Variants in LTBP1 observed in about 807,000 individuals in gnomAD.
The protein encoded by LTBP1 is latent-transforming growth factor beta-binding protein 1.
LTBP1 carries 129 observed loss-of-function variants against 207.6 expected under a neutral mutation model. The observed-to-expected ratio is 0.62, with a 90% CI of 0.54 to 0.72. LTBP1 has a LOEUF of 0.72. LTBP1 is among the 30% of genes least tolerant of loss of function. The pLI is 0.00. For synonymous variants in LTBP1, 963 were observed against 833.7 expected (o/e 1.16, Z -2.67); for missense variants, 2,281 against 2,217.2 (o/e 1.03, Z -0.58).
intron 5 of LTBP1, 68 bp downstream of exon 5, chr2:33,135,028 A>G: frequency 6.9e-7 from 1 of 1,456,746 alleles, no homozygotes; most frequent in East Asian, 2.5e-5. Context: ...GCATTTAGAC[A>G]CCCCCTCCAT....
intron 3 of LTBP1, among the ~76,000 whole-genome samples, chr2:33,095,478 G>A (rs2079333111): frequency 6.6e-6 from 1 of 151,910 alleles, no homozygotes; most frequent in Admixed American, 6.6e-5. Flanking sequence ...TAACTGCCTG[G>A]GCAACAAAAT....
At chr2:33,151,033 C>G (rs556704145) in intron 5 of LTBP1, among the ~76,000 whole-genome samples, 1 of 152,156 alleles carries the variant, frequency 6.6e-6, no homozygotes, top group Non-Finnish European at 1.5e-5. Flanking sequence ...AACCACCACA[C>G]CTGGTCTCAC....
chr2:33,087,371 C>T (rs1471209356), intron 3 of LTBP1, among the ~76,000 whole-genome samples: 6 of 152,142 alleles, frequency 3.9e-5, no homozygotes, highest in Admixed American at 3.9e-4. Context: ...CCTAGCCTCA[C>T]TTATGTTCTA....
intron 7 of LTBP1, among the ~76,000 whole-genome samples, chr2:33,204,670 C>T (rs2089687818): frequency 6.6e-6 from 1 of 152,052 alleles, no homozygotes; most frequent in Admixed American, 6.6e-5. Context: ...AGCTCAAACT[C>T]TCGGGCTCAA....
chr2:32,957,067 G>A (rs549191215), intron 2 of LTBP1, among the ~76,000 whole-genome samples: 1 of 152,074 alleles, frequency 6.6e-6, no homozygotes, highest in Non-Finnish European at 1.5e-5. Flanking sequence ...TCCATTTACA[G>A]AGCACAGGCG....
intron 2 of LTBP1, among the ~76,000 whole-genome samples, chr2:32,996,937 T>C (rs1685379455): frequency 6.6e-6 from 1 of 152,068 alleles, no homozygotes; most frequent in Non-Finnish European, 1.5e-5. Context: ...CAGGCTGGAG[T>C]GCTGTGGCAT....
chr2:33,042,241 T>C (rs2076225065), intron 3 of LTBP1, among the ~76,000 whole-genome samples: 1 of 152,254 alleles, frequency 6.6e-6, no homozygotes, highest in African/African-American at 2.4e-5. Context: ...AACAGAACTT[T>C]CTTTTCAGGA....
At chr2:33,343,564 A>C (rs2094660081) in intron 25 of LTBP1, among the ~76,000 whole-genome samples, 1 of 152,208 alleles carries the variant, frequency 6.6e-6, no homozygotes, top group African/African-American at 2.4e-5. Flanking sequence ...CAGCACAGGA[A>C]ATAGAGTCTG....
intron 9 of LTBP1, among the ~76,000 whole-genome samples, chr2:33,223,852 A>G (rs2091277912): frequency 6.6e-6 from 1 of 152,206 alleles, no homozygotes; most frequent in South Asian, 2.1e-4. Flanking sequence ...GTACAGACTG[A>G]AGAGAAATAT....
Position 33,047,870 on chromosome 2 carries a change from G to A in LTBP1, c.863+26664G>A, listed in dbSNP as rs573474506. Among the ~76,000 whole-genome samples the A allele has an allele frequency of 2.0e-5, 3 of 152,174 alleles. No individual in the cohort carries two copies. The South Asian group carries it at 6.2e-4, about 32-fold the overall frequency. On this transcript the variant is annotated intron_variant, in intron 3 of 33. Coordinates refer to ENST00000404816, the MANE Select transcript of LTBP1 (RefSeq NM_206943.4). The stretch of plus-strand genomic sequence containing the variant: ...ATTGATCCCTTTACCACTATGTAAT[G>A]CCCTTCTTTGTCTTTTTTGATCTTT...
At chr2:33,319,518 TA>T (rs1226179742) in intron 24 of LTBP1, among the ~76,000 whole-genome samples, 1 of 152,120 alleles carries the variant, frequency 6.6e-6, no homozygotes. Flanking sequence ...ATCAGATTCC[TA>T]GGGGTCACCA....
At chr2:33,006,760 A>C in intron 2 of LTBP1, among the ~76,000 whole-genome samples, 1 of 144,010 alleles carries the variant, frequency 6.9e-6, no homozygotes, top group East Asian at 2.1e-4. Context: ...CCTTTCAGCT[A>C]TTCCCTGATG....
chr2:32,948,734 T>C, intron 1 of LTBP1, 141 bp from the exon 2 acceptor site: 2 of 764,396 alleles, frequency 2.6e-6, no homozygotes, highest in South Asian at 1.6e-5. Context: ...GGGTTGGGCA[T>C]CCAGGGTACC....
rs541560872 is a variant in LTBP1 at position 33,344,455 on chromosome 2, G to C, written c.3856+1492G>C. Among the ~76,000 whole-genome samples, 7 of 152,264 alleles carry C rather than the reference G, an allele frequency of 4.6e-5. No homozygotes were observed. In the East Asian group the frequency reaches 1.4e-3, roughly 29 times the overall value. ...CAGCAACGTCAGACTGGTTGTGGTTGCCCATGTCACTGTGCAATTATTTGA... is the reference window on the plus strand; with the variant it reads ...CAGCAACGTCAGACTGGTTGTGGTTCCCCATGTCACTGTGCAATTATTTGA... On this transcript the variant is annotated intron_variant, in intron 25 of 33. Transcript: ENST00000404816.
At chr2:33,331,351 T>C (rs2094492375) in intron 24 of LTBP1, among the ~76,000 whole-genome samples, 1 of 152,168 alleles carries the variant, frequency 6.6e-6, no homozygotes, top group South Asian at 2.1e-4. Flanking sequence ...TTTGTATTTA[T>C]AGGTATATAT....
chr2:33,088,368 C>T (rs1206286271), intron 3 of LTBP1, among the ~76,000 whole-genome samples: 2 of 152,128 alleles, frequency 1.3e-5, no homozygotes, highest in Admixed American at 1.3e-4. Context: ...AGGAGAATCA[C>T]TTGAACCCGG....
At chr2:33,084,831 A>C (rs1464308177) in intron 3 of LTBP1, among the ~76,000 whole-genome samples, 1 of 152,190 alleles carries the variant, frequency 6.6e-6, no homozygotes, top group African/African-American at 2.4e-5. Context: ...AGAGTCCACC[A>C]TGATCCAGTT....
intron 13 of LTBP1, 25 bp downstream of exon 13, chr2:33,259,635 C>CTT: frequency 2.6e-6 from 4 of 1,566,306 alleles, no homozygotes; most frequent in Non-Finnish European, 2.6e-6. Flanking sequence ...GCTTGCAAGT[C>CTT]TTTTTTTTTC....
intron 2 of LTBP1, among the ~76,000 whole-genome samples, chr2:32,967,550 A>C (rs1680190149): frequency 6.6e-6 from 1 of 152,186 alleles, no homozygotes; most frequent in African/African-American, 2.4e-5. Flanking sequence ...ATATTTTAAA[A>C]TTTCTCTTGA....
Sources: gnomAD v4.1 joint callset for allele counts (sites outside exome capture counted in the v4.1 genomes callset) on GRCh38, gnomAD v4.1.1 for gene constraint, MANE v1.5 for transcripts, NCBI Gene and HGNC (gene_info 2026-07-23, HGNC 2026-07-21) for gene names.